WWOX: variants seen among roughly 807,000 people sequenced by gnomAD.
WWOX encodes the protein WW domain containing oxidoreductase.
A neutral mutation model predicts 46.2 loss-of-function variants in WWOX; 69 were observed. That is an observed-to-expected ratio of 1.49 (90% CI 1.23 to 1.82). The LOEUF (loss-of-function observed/expected upper bound fraction) is 1.82. WWOX is among the 40% of genes most tolerant of loss of function. The probability of loss-of-function intolerance (pLI) is 0.00; values close to 1 mark genes in which losing one functional copy is unlikely to be tolerated. For synonymous variants in WWOX, 359 were observed against 202.6 expected (o/e 1.77, Z -6.56); for missense variants, 919 against 542.6 (o/e 1.69, Z -6.89).
At chr16:78,357,481 C>G (rs12598990) in intron 5 of WWOX, among the ~76,000 whole-genome samples, 3 of 152,132 alleles carry the variant, frequency 2.0e-5, no homozygotes, top group Admixed American at 2.0e-4. Flanking sequence ...TCCCTTCAAT[C>G]TGTAACCTTC....
intron 8 of WWOX, among the ~76,000 whole-genome samples, chr16:78,768,279 T>TTAAAAAAAAC (rs1309673439): frequency 1.1e-4 from 10 of 91,960 alleles, no homozygotes; most frequent in African/African-American, 3.2e-4. Flanking sequence ...ATAGATGAGT[T>TTAAAAAAAAC]AAAAAAAAAA....
intron 8 of WWOX, among the ~76,000 whole-genome samples, chr16:78,812,998 A>G (rs2051230581): frequency 6.6e-6 from 1 of 152,196 alleles, no homozygotes; most frequent in African/African-American, 2.4e-5. Context: ...AAACACAATT[A>G]GGGAATCTAC....
At chr16:78,170,019 G>A (rs570604282) in intron 5 of WWOX, among the ~76,000 whole-genome samples, 1 of 152,268 alleles carries the variant, frequency 6.6e-6, no homozygotes, top group South Asian at 2.1e-4. Context: ...TGGGAAGAGG[G>A]GCAGGTGGCT....
At chr16:78,137,897 G>A (rs370693101) in intron 4 of WWOX, among the ~76,000 whole-genome samples, 5 of 150,644 alleles carry the variant, frequency 3.3e-5, no homozygotes, top group East Asian at 3.9e-4. Context: ...TTCCTTATCC[G>A]TTTAGACCTA....
intron 8 of WWOX, among the ~76,000 whole-genome samples, chr16:79,111,330 A>C (rs1339819921): frequency 1.3e-5 from 2 of 152,172 alleles, no homozygotes; most frequent in East Asian, 3.9e-4. Context: ...TTGGTTTTGA[A>C]AACAGCAGAA....
chr16:78,427,848 C>G (rs1031638163), intron 7 of WWOX, among the ~76,000 whole-genome samples: 1 of 151,974 alleles, frequency 6.6e-6, no homozygotes, highest in Admixed American at 6.6e-5. Context: ...CGCCTGTAAT[C>G]CCAGCACTCA....
chr16:78,118,164 A>G (rs546617003), intron 4 of WWOX, among the ~76,000 whole-genome samples: 44 of 152,066 alleles, frequency 2.9e-4, no homozygotes, highest in African/African-American at 9.9e-4. Context: ...CACTAGAGCC[A>G]TGCCCCCTTT....
intron 8 of WWOX, among the ~76,000 whole-genome samples, chr16:78,922,705 G>C (rs1202197185): frequency 6.6e-6 from 1 of 151,854 alleles, no homozygotes; most frequent in African/African-American, 2.4e-5. Context: ...AATTTGGAAA[G>C]GATTTTATAA....
chr16:78,990,871 C>A (rs981300811), intron 8 of WWOX, among the ~76,000 whole-genome samples: 2 of 152,090 alleles, frequency 1.3e-5, no homozygotes, highest in East Asian at 3.9e-4. Context: ...TAAAAGGAGA[C>A]AAAACAGGTG....
At chr16:78,435,542 G>C (rs1457485239) in intron 8 of WWOX, among the ~76,000 whole-genome samples, 1 of 152,164 alleles carries the variant, frequency 6.6e-6, no homozygotes, top group Non-Finnish European at 1.5e-5. Context: ...CTCATGAGAG[G>C]GTTTGGAGAA....
At chr16:78,902,423 C>A (rs1217081374) in intron 8 of WWOX, among the ~76,000 whole-genome samples, 1 of 152,344 alleles carries the variant, frequency 6.6e-6, no homozygotes, top group Middle Eastern at 3.4e-3. Flanking sequence ...TATCCAGCAG[C>A]GCCACGCGGG....
chr16:78,528,828 C>A (rs1426586312), intron 8 of WWOX, among the ~76,000 whole-genome samples: 1 of 152,160 alleles, frequency 6.6e-6, no homozygotes, highest in Non-Finnish European at 1.5e-5. Context: ...TGGTAGAAAT[C>A]AGGCAACCTC....
chr16:78,871,267 G>A (rs923605695), intron 8 of WWOX, among the ~76,000 whole-genome samples: 3 of 151,344 alleles, frequency 2.0e-5, no homozygotes, highest in Non-Finnish European at 2.9e-5. Flanking sequence ...CCATGGCTTC[G>A]TCCTTATTCT....
At chr16:78,201,478 G>T (rs908250845) in intron 5 of WWOX, among the ~76,000 whole-genome samples, 1 of 152,104 alleles carries the variant, frequency 6.6e-6, no homozygotes, top group African/African-American at 2.4e-5. Flanking sequence ...CCAAATAAAT[G>T]AGTAGCAGGT....
intron 8 of WWOX, among the ~76,000 whole-genome samples, chr16:79,008,222 A>C (rs182428142): frequency 1.4e-3 from 218 of 152,238 alleles, no homozygotes; most frequent in African/African-American, 5.2e-3. Flanking sequence ...GGCCCTATCC[A>C]CAGATGACCT....
chr16:78,362,502 G>T (rs981961269), intron 5 of WWOX, among the ~76,000 whole-genome samples: 1 of 152,048 alleles, frequency 6.6e-6, no homozygotes. Flanking sequence ...CCAGGTACTC[G>T]GGAGGCTGAG....
intron 8 of WWOX, among the ~76,000 whole-genome samples, chr16:79,126,115 G>T (rs1198907804): frequency 6.6e-6 from 1 of 152,112 alleles, no homozygotes; most frequent in Non-Finnish European, 1.5e-5. Context: ...CACAGAAGAA[G>T]GGGCTTTCTT....
chr16:78,109,900 A>G (rs2032390191), intron 3 of WWOX, 65 bp downstream of exon 3: 53 of 1,520,508 alleles, frequency 3.5e-5, no homozygotes, highest in Non-Finnish European at 4.6e-5. Flanking sequence ...TTAATTATAA[A>G]AGTAATACAT....
intron 8 of WWOX, among the ~76,000 whole-genome samples, chr16:78,746,406 G>T (rs2049347849): frequency 6.6e-6 from 1 of 152,136 alleles, no homozygotes; most frequent in African/African-American, 2.4e-5. Context: ...GCTGAGGCAG[G>T]AGGATCAACT....
Sources: allele counts gnomAD v4.1 joint callset (sites outside exome capture counted in the v4.1 genomes callset), GRCh38; gene constraint gnomAD v4.1.1; transcripts MANE v1.5; gene names NCBI Gene and HGNC (gene_info 2026-07-23, HGNC 2026-07-21).